The following IL12RB1 variants were observed in gnomAD, a reference collection of about 807,000 sequenced individuals.
The protein encoded by IL12RB1 is interleukin 12 receptor subunit beta 1.
A neutral mutation model predicts 94.4 loss-of-function variants in IL12RB1; 64 were observed. That is an observed-to-expected ratio of 0.68 (90% CI 0.55 to 0.83). The LOEUF (loss-of-function observed/expected upper bound fraction) is 0.83, where lower values mean the gene tolerates loss of function less well. Among genes scored for constraint, IL12RB1 ranks in the 40% least tolerant of loss-of-function variants. IL12RB1 has a pLI of 0.00. For missense variants in IL12RB1, 814 were observed against 855.6 expected (o/e 0.95, Z 0.61); for synonymous variants, 362 against 355.5 (o/e 1.02, Z -0.21).
intron 5 of IL12RB1, among the ~76,000 whole-genome samples, chr19:18,077,115 C>T (rs1439344802): frequency 6.6e-6 from 1 of 152,140 alleles, no homozygotes; most frequent in Non-Finnish European, 1.5e-5. Flanking sequence ...GTATTCCCAG[C>T]ACTTTGGAAG....
At chr19:18,098,778 T>C (rs759750830) in exon 1 of IL12RB1, 2 of 456,594 alleles carry the variant, frequency 4.4e-6, no homozygotes, top group Middle Eastern at 3.2e-4. Context: ...ATGGAGCGCC[T>C]GCTGTGTGCC....
intron 13 of IL12RB1, among the ~76,000 whole-genome samples, chr19:18,062,806 G>C (rs944416735): frequency 2.0e-5 from 3 of 151,970 alleles, no homozygotes; most frequent in Non-Finnish European, 4.4e-5. Context: ...AATTCCAGGA[G>C]CCTGCACATA....
In IL12RB1 at chr19:18,059,572, T is replaced by TCGGG; in HGVS notation, c.*32_*35dup. The stretch of plus-strand genomic sequence containing the variant: ...TGACTCCTGTGTGTGCTACGTAGCC[T>TCGGG]CGGGCGAGTCACTCACCCTCTCTGA... On this transcript the variant is annotated 3_prime_UTR_variant, in exon 17 of 17. Transcript: ENST00000593993. The TCGGG allele has an allele frequency of 1.3e-6, 1 of 779,642 alleles. No individual in the cohort carries two copies. Among genetic ancestry groups the TCGGG allele is most frequent in the Non-Finnish European group, 2.4e-6 (1 of 417,462 alleles). 48.3% of individuals were successfully genotyped at this position (779,642 alleles called of 1,614,324 possible).
At chr19:18,073,859 C>T (rs2035255465) in intron 7 of IL12RB1, among the ~76,000 whole-genome samples, 1 of 152,260 alleles carries the variant, frequency 6.6e-6, no homozygotes. Flanking sequence ...AAGTCTCACT[C>T]TATTACCTAG....
At chr19:18,096,868 T>C (rs1252713435) in intron 1 of IL12RB1, among the ~76,000 whole-genome samples, 1 of 148,892 alleles carries the variant, frequency 6.7e-6, no homozygotes, top group Non-Finnish European at 1.5e-5. Flanking sequence ...GTTTTGGCCA[T>C]ATGCGGTGGC....
rs2034193297 is a variant in IL12RB1 at position 18,062,246 on chromosome 19, G to A, written c.1650C>T (p.Phe550=). ...EVQVSDWLIF[F]ASLGSFLSIL... The stretch of plus-strand genomic sequence containing the variant: ...TGCTCAGGAAGCTCCCCAGGGAGGC[G>A]AAGAAGATGAGCCAATCAGAAACCT... Residue 550 remains phenylalanine, a synonymous_variant, in exon 14 of 17, where the codon TTC becomes TTT. Transcript: ENST00000593993. The A allele has an allele frequency of 1.2e-6, 2 of 1,612,942 alleles. No homozygotes were observed. Among genetic ancestry groups the A allele is most frequent in the South Asian group, 1.1e-5 (1 of 91,050 alleles).
At chr19:18,078,617 C>T (rs1217631913) in intron 4 of IL12RB1, among the ~76,000 whole-genome samples, 1 of 151,596 alleles carries the variant, frequency 6.6e-6, no homozygotes, top group Non-Finnish European at 1.5e-5. Context: ...GGGGGTGATC[C>T]GCCCACCTCG....
At chr19:18,079,002 A>G (rs2035680363) in intron 4 of IL12RB1, among the ~76,000 whole-genome samples, 1 of 151,962 alleles carries the variant, frequency 6.6e-6, no homozygotes. Flanking sequence ...GGAGTTCAAG[A>G]CCACCCTGGC....
At chr19:18,072,465 A>G (rs183514962) in intron 8 of IL12RB1, 116 bp from the exon 9 acceptor site, 2 of 732,000 alleles carry the variant, frequency 2.7e-6, no homozygotes, top group African/African-American at 1.7e-5. Flanking sequence ...AGCCAATAAC[A>G]TGCATCAAAA....
chr19:18,076,681 C>T (rs1395181423), intron 5 of IL12RB1, among the ~76,000 whole-genome samples: 1 of 152,132 alleles, frequency 6.6e-6, no homozygotes, highest in Non-Finnish European at 1.5e-5. Context: ...ACTGGGATTA[C>T]AGGCGTGAGC....
intron 4 of IL12RB1, among the ~76,000 whole-genome samples, chr19:18,079,565 C>T (rs756028678): frequency 6.6e-6 from 1 of 152,092 alleles, no homozygotes; most frequent in Non-Finnish European, 1.5e-5. Context: ...CCCCGGTAAC[C>T]ACAGTTCTAC....
chr19:18,083,306 C>T (rs980985992), intron 2 of IL12RB1, 126 bp downstream of exon 2: 5 of 907,760 alleles, frequency 5.5e-6, no homozygotes, highest in Non-Finnish European at 9.3e-6. Context: ...GGGGTGGGGA[C>T]TCCCAAGACC....
Position 18,077,547 on chromosome 19 carries a change from C to T in IL12RB1, c.518G>A (p.Arg173Gln), listed in dbSNP as rs756272570. The T allele has an allele frequency of 4.2e-5, 68 of 1,612,190 alleles. No individual in the cohort carries two copies. Among genetic ancestry groups the T allele is most frequent in the Admixed American group, 1.0e-4 (6 of 59,834 alleles). Residue 173 changes from arginine to glutamine, a missense_variant, in exon 5 of 17, where the codon CGG becomes CAG. By Grantham distance (43) the Arg-to-Gln change is conservative. Transcript: ENST00000593993. ...CCATGGGCTGCTGGGTGTCCGGTGC[C>T]GGAACTGCACCTCAGCACCAACCTG... Reference protein sequence around the residue: ...DNQVGAEVQFRHRTPSSPWKL... With the variant: ...DNQVGAEVQFQHRTPSSPWKL...
At chr19:18,086,627 T>C in intron 1 of IL12RB1, 133 bp downstream of exon 1, 1 of 785,134 alleles carries the variant, frequency 1.3e-6, no homozygotes, top group South Asian at 1.8e-5. Flanking sequence ...ACTGCCCATC[T>C]CCCATTTGAC....
chr19:18,084,443 C>T (rs2036180451), intron 1 of IL12RB1, among the ~76,000 whole-genome samples: 1 of 150,102 alleles, frequency 6.7e-6, no homozygotes, highest in Non-Finnish European at 1.5e-5. Flanking sequence ...ACCATCCACC[C>T]ATTCACCCAT....
At chr19:18,083,304 G>T (rs1465694290) in intron 2 of IL12RB1, 128 bp downstream of exon 2, 1 of 878,658 alleles carries the variant, frequency 1.1e-6, no homozygotes, top group African/African-American at 1.6e-5. Flanking sequence ...GTGGGGTGGG[G>T]ACTCCCAAGA....
intron 7 of IL12RB1, among the ~76,000 whole-genome samples, chr19:18,075,433 G>C (rs561691180): frequency 6.6e-6 from 1 of 150,920 alleles, no homozygotes; most frequent in Non-Finnish European, 1.5e-5. Flanking sequence ...GCTAATTTTC[G>C]TATTTTTAGT....
At chr19:18,061,970 T>C (rs919746611) in intron 14 of IL12RB1, among the ~76,000 whole-genome samples, 2 of 152,228 alleles carry the variant, frequency 1.3e-5, no homozygotes, top group African/African-American at 4.8e-5. Flanking sequence ...CAGCGGCTAC[T>C]CTCCGCCTAC....
intron 4 of IL12RB1, among the ~76,000 whole-genome samples, chr19:18,079,597 C>CTT (rs904298605): frequency 6.8e-6 from 1 of 147,342 alleles, no homozygotes. Flanking sequence ...AGATATTCGA[C>CTT]TTTTTTTTTT....
Sources: gnomAD v4.1 joint callset for allele counts (sites outside exome capture counted in the v4.1 genomes callset) on GRCh38, gnomAD v4.1.1 for gene constraint, MANE v1.5 for transcripts, NCBI Gene and HGNC (gene_info 2026-07-23, HGNC 2026-07-21) for gene names.